Variants in MOSMO observed in about 807,000 individuals in gnomAD.
MOSMO encodes modulator of smoothened.
MOSMO carries 5 observed loss-of-function variants against 18.4 expected under a neutral mutation model. The ratio of observed to expected loss-of-function variants is 0.27; its 90% confidence interval spans 0.14 to 0.57. The LOEUF is 0.57. MOSMO is among the 20% of genes least tolerant of loss of function. The pLI is 0.92. For missense variants in MOSMO, 138 were observed against 211.8 expected (o/e 0.65, Z 2.16); for synonymous variants, 82 against 82.3 (o/e 1.00, Z 0.02).
rs1899465789 is a variant in MOSMO at position 22,009,287 on chromosome 16, CA to C, written c.106+881del. Among the ~76,000 whole-genome samples, 7 of 152,232 alleles carry C rather than the reference CA, an allele frequency of 4.6e-5. No homozygotes were observed. The South Asian group carries it at 1.4e-3, about 32-fold the overall frequency. On this transcript the variant is annotated intron_variant, in intron 1 of 2. Transcript: ENST00000542527. ...TAATAGTAGTTACAAAATTAAATAACACATTACAGTTGCAGGCAGCCCGGCA... is the reference window on the plus strand; with the variant it reads ...TAATAGTAGTTACAAAATTAAATAACCATTACAGTTGCAGGCAGCCCGGCA...
chr16:22,070,617 T>C (rs1382657234), intron 1 of MOSMO, among the ~76,000 whole-genome samples: 1 of 152,186 alleles, frequency 6.6e-6, no homozygotes, highest in East Asian at 1.9e-4. Flanking sequence ...TTTCAGACAC[T>C]GTCCATGTGT....
chr16:22,048,698 T>G (rs1394710700), intron 1 of MOSMO, among the ~76,000 whole-genome samples: 1 of 152,146 alleles, frequency 6.6e-6, no homozygotes, highest in East Asian at 1.9e-4. Flanking sequence ...TTTTCAAATT[T>G]ATTTTTCATT....
intron 1 of MOSMO, among the ~76,000 whole-genome samples, chr16:22,021,103 A>G (rs1899753095): frequency 1.3e-5 from 2 of 152,136 alleles, no homozygotes; most frequent in African/African-American, 4.8e-5. Flanking sequence ...TGGGTAAATA[A>G]TCTCTCCCAT....
At chr16:22,031,853 T>C (rs1056567431) in intron 1 of MOSMO, among the ~76,000 whole-genome samples, 8 of 152,236 alleles carry the variant, frequency 5.3e-5, no homozygotes, top group African/African-American at 1.4e-4. Flanking sequence ...ACATTTTCAT[T>C]TCCCTTGCAT....
chr16:22,091,301 G>A (rs1567520469), downstream of MOSMO, among the ~76,000 whole-genome samples: 1 of 152,182 alleles, frequency 6.6e-6, no homozygotes, highest in Non-Finnish European at 1.5e-5. Flanking sequence ...CACGTTGGTT[G>A]TTTCTGACCT....
rs1364978058 is a variant in MOSMO at position 22,083,771 on chromosome 16, AT to A, written c.*2896del. ...TTGCACAAGACTGAATTAGTTTGAC[AT>A]TTTTGGAAGCTCCTATTGAACATAC... On this transcript the variant is annotated 3_prime_UTR_variant, in exon 3 of 3. Transcript: ENST00000542527. The A allele has an allele frequency of 9.3e-6, 4 of 428,990 alleles. No homozygotes were observed. Among genetic ancestry groups the A allele is most frequent in the Admixed American group, 9.0e-5 (3 of 33,440 alleles). The allele number at this position is 428,990 out of a possible 1,614,324, so 26.6% of individuals were successfully genotyped here.
At chr16:22,088,054 G>C (rs1901220727), downstream of MOSMO, among the ~76,000 whole-genome samples, 1 of 151,210 alleles carries the variant, frequency 6.6e-6, no homozygotes, top group African/African-American at 2.4e-5. Flanking sequence ...TTTGAGACAG[G>C]GTCTTGCTCT....
intron 1 of MOSMO, among the ~76,000 whole-genome samples, chr16:22,072,475 C>G (rs930735861): frequency 3.3e-5 from 5 of 152,188 alleles, no homozygotes; most frequent in Admixed American, 2.0e-4. Context: ...GTTGTTGAAT[C>G]TCTGACTGCT....
rs1901104513 is a variant in MOSMO at position 22,082,696 on chromosome 16, C to T, written c.*1816C>T. ...TGAAATGGAGGTGCTTGATGTGTTT[C>T]ACACTGGCTTGTTTGACAGTCTTCT... On this transcript the variant is annotated 3_prime_UTR_variant, in exon 3 of 3. Coordinates refer to ENST00000542527, the MANE Select transcript of MOSMO (RefSeq NM_001164579.2). 2.0e-5 allele frequency: 3 copies of T among 152,212 alleles called. No individual in the cohort carries two copies. In the South Asian group the frequency reaches 6.2e-4, roughly 32 times the overall value. The allele number at this position is 152,212 out of a possible 1,614,324, so 9.4% of individuals were successfully genotyped here.
chr16:22,042,292 T>C (rs1352973904), intron 1 of MOSMO, among the ~76,000 whole-genome samples: 1 of 151,908 alleles, frequency 6.6e-6, no homozygotes, highest in Non-Finnish European at 1.5e-5. Flanking sequence ...GAGTTTTTGG[T>C]GGACCCAGTC....
intron 1 of MOSMO, 82 bp downstream of exon 1, chr16:22,008,489 C>CG: frequency 1.0e-6 from 1 of 1,004,730 alleles, no homozygotes; most frequent in Non-Finnish European, 1.5e-6. Context: ...GAGGAGAGGA[C>CG]GGGGTGGAGG....
At chr16:22,014,080 C>CCAGT (rs902568373) in intron 1 of MOSMO, among the ~76,000 whole-genome samples, 3 of 152,168 alleles carry the variant, frequency 2.0e-5, no homozygotes, top group African/African-American at 7.2e-5. Context: ...ACTTAACAAT[C>CCAGT]CAGTCCCAGA....
At chr16:22,039,015 A>C (rs2142001370) in intron 1 of MOSMO, among the ~76,000 whole-genome samples, 1 of 152,328 alleles carries the variant, frequency 6.6e-6, no homozygotes, top group South Asian at 2.1e-4. Context: ...CAGATTACTT[A>C]ACCTTCTCTC....
intron 1 of MOSMO, among the ~76,000 whole-genome samples, chr16:22,029,858 G>C (rs1447716162): frequency 1.3e-5 from 2 of 152,090 alleles, no homozygotes; most frequent in African/African-American, 4.8e-5. Context: ...AAACTCCTGG[G>C]CTCAAACAGT....
chr16:22,039,744 A>G (rs1900175429), intron 1 of MOSMO, among the ~76,000 whole-genome samples: 1 of 152,224 alleles, frequency 6.6e-6, no homozygotes, highest in Non-Finnish European at 1.5e-5. Flanking sequence ...GTAGTGTGGT[A>G]GGATCTATGT....
At chr16:22,035,437 T>C (rs562827858) in intron 1 of MOSMO, among the ~76,000 whole-genome samples, 63 of 150,052 alleles carry the variant, frequency 4.2e-4, no homozygotes, top group African/African-American at 1.4e-3. Flanking sequence ...GAGGACCTCA[T>C]AGGGCTCCTA....
intron 2 of MOSMO, among the ~76,000 whole-genome samples, chr16:22,080,117 G>A (rs919427512): frequency 6.6e-6 from 1 of 152,154 alleles, no homozygotes; most frequent in African/African-American, 2.4e-5. Context: ...AGTAAGATAA[G>A]TGATGCTTAT....
intron 1 of MOSMO, among the ~76,000 whole-genome samples, chr16:22,043,934 TG>T (rs1598010115): frequency 6.6e-6 from 1 of 152,148 alleles, no homozygotes; most frequent in Non-Finnish European, 1.5e-5. Flanking sequence ...TCCACGTGAC[TG>T]GGGAGGCCTC....
intron 1 of MOSMO, among the ~76,000 whole-genome samples, chr16:22,055,908 C>A (rs1264722120): frequency 6.6e-6 from 1 of 152,136 alleles, no homozygotes; most frequent in Non-Finnish European, 1.5e-5. Flanking sequence ...TTTCATTATG[C>A]CTCTCTTATA....
Sources: gnomAD v4.1 joint callset for allele counts (sites outside exome capture counted in the v4.1 genomes callset) on GRCh38, gnomAD v4.1.1 for gene constraint, MANE v1.5 for transcripts, NCBI Gene and HGNC (gene_info 2026-07-23, HGNC 2026-07-21) for gene names.